HCN1: variants seen among roughly 807,000 people sequenced by gnomAD.
The protein encoded by HCN1 is potassium/sodium hyperpolarization-activated cyclic nucleotide-gated channel 1.
HCN1 carries 13 observed loss-of-function variants against 78.9 expected under a neutral mutation model. The ratio of observed to expected loss-of-function variants is 0.16; its 90% CI spans 0.11 to 0.26. The LOEUF (loss-of-function observed/expected upper bound fraction) is 0.26, where lower values mean the gene tolerates loss of function less well. Among genes scored for constraint, HCN1 ranks in the 10% least tolerant of loss-of-function variants. HCN1 has a pLI of 1.00. For synonymous variants in HCN1, 552 were observed against 455.5 expected, an observed-to-expected ratio of 1.21 and a Z score of -2.70; for missense variants, 810 against 1,154.3, an observed-to-expected ratio of 0.70 and a Z score of 4.32.
chr5:45,302,461 A>C (rs1281754879), intron 6 of HCN1, among the ~76,000 whole-genome samples: 1 of 152,088 alleles, frequency 6.6e-6, no homozygotes, highest in Non-Finnish European at 1.5e-5. Flanking sequence ...AAAATGGACT[A>C]ATACACAAGA....
intron 3 of HCN1, among the ~76,000 whole-genome samples, chr5:45,417,731 G>T (rs1267428253): frequency 7.9e-6 from 1 of 126,696 alleles, no homozygotes; most frequent in Admixed American, 9.3e-5. Flanking sequence ...GCTACCCAGG[G>T]TCTCATTAGT....
In HCN1 at chr5:45,302,122, C is replaced by T. The variant is rs144654347; in HGVS notation, c.1618+1477G>A. 8.5e-5 allele frequency among the ~76,000 whole-genome samples: 13 copies of T among 152,070 alleles called. No homozygotes were observed. The East Asian group carries it at 1.7e-3, about 20-fold the overall frequency. ...TAGGGTATGTCCTTTTGTTTATTAA[C>T]AAGATAATATGGTTTGGCTCTATGT... is the stretch of plus-strand genomic sequence containing the variant. On this transcript the variant is annotated intron_variant, in intron 6 of 7. Transcript: ENST00000303230.
intron 2 of HCN1, among the ~76,000 whole-genome samples, chr5:45,503,826 C>T (rs996793503): frequency 1.3e-4 from 19 of 150,218 alleles, no homozygotes; most frequent in African/African-American, 4.7e-4. Context: ...ATGCTTGTTG[C>T]CCAGGCTGGA....
chr5:45,318,622 G>C (rs1470482130), intron 5 of HCN1, among the ~76,000 whole-genome samples: 7 of 151,228 alleles, frequency 4.6e-5, no homozygotes, highest in Admixed American at 4.0e-4. Flanking sequence ...GAAAAAAAAA[G>C]TATTTGCTTA....
chr5:45,258,800 A>G lies in HCN1; in HGVS notation c.*3121T>C, dbSNP rs1744673172. On this transcript the variant is annotated 3_prime_UTR_variant, in exon 8 of 8. Coordinates refer to ENST00000303230, the MANE Select transcript of HCN1 (RefSeq NM_021072.4). ...TTATAATAGAGCCCAAGGCCCTATTATAACAAAATAGGTATGTTATAAAAC... is the reference window on the plus strand; with the variant it reads ...TTATAATAGAGCCCAAGGCCCTATTGTAACAAAATAGGTATGTTATAAAAC... The G allele has an allele frequency of 1.3e-5, 2 of 152,016 alleles. No homozygotes were observed. Among genetic ancestry groups the G allele is most frequent in the Admixed American group, 1.3e-4 (2 of 15,260 alleles). The allele number at this position is 152,016 out of a possible 1,614,324, so 9.4% of individuals were successfully genotyped here. A position where few individuals can be genotyped will look rare whatever the true frequency, so the allele number is the denominator to read the frequency against.
intron 2 of HCN1, among the ~76,000 whole-genome samples, chr5:45,537,491 G>A (rs906949506): frequency 3.5e-5 from 1 of 28,410 alleles, no homozygotes; most frequent in African/African-American, 1.2e-4. Flanking sequence ...TTTTACTGTT[G>A]TTTGTTTCAC....
At chr5:45,579,045 T>A (rs1744004099) in intron 2 of HCN1, among the ~76,000 whole-genome samples, 1 of 152,044 alleles carries the variant, frequency 6.6e-6, no homozygotes, top group African/African-American at 2.4e-5. Context: ...AAAGTAATGT[T>A]TTTAAACCAA....
At position 45,658,870 on chromosome 5, in the gene HCN1, C is replaced by T. The variant is rs1171688083; in HGVS notation, c.426-13262G>A. 1.4e-3 allele frequency among the ~76,000 whole-genome samples: 208 copies of T among 149,490 alleles called. 3 individuals are homozygous for T. Among genetic ancestry groups the T allele is most frequent in the African/African-American group, 5.0e-3 (205 of 40,814 alleles). On this transcript the variant is annotated intron_variant, in intron 1 of 7. Transcript: ENST00000303230. ...ATCAAACTGCAAGGCGGCAACGAGGCTGGGGGAGGGGCGCCCGCCATTGCC... is the reference window on the plus strand; with the variant it reads ...ATCAAACTGCAAGGCGGCAACGAGGTTGGGGGAGGGGCGCCCGCCATTGCC...
intron 4 of HCN1, among the ~76,000 whole-genome samples, chr5:45,388,979 T>G (rs987593165): frequency 1.1e-4 from 16 of 152,252 alleles, no homozygotes; most frequent in Non-Finnish European, 1.8e-4. Flanking sequence ...AGTTTTGCCT[T>G]CCTTTAATCT....
At chr5:45,401,910 T>TA (rs1332989185) in intron 3 of HCN1, among the ~76,000 whole-genome samples, 1 of 152,030 alleles carries the variant, frequency 6.6e-6, no homozygotes, top group East Asian at 1.9e-4. Flanking sequence ...GGTCCTTGTT[T>TA]AAAAAACAAG....
intron 6 of HCN1, among the ~76,000 whole-genome samples, chr5:45,300,952 C>T (rs1745603602): frequency 6.6e-6 from 1 of 152,106 alleles, no homozygotes; most frequent in East Asian, 1.9e-4. Context: ...AAATGGAAAG[C>T]TTCAAAATGG....
intron 4 of HCN1, among the ~76,000 whole-genome samples, chr5:45,370,783 A>G (rs1406676200): frequency 6.6e-6 from 1 of 152,082 alleles, no homozygotes; most frequent in Non-Finnish European, 1.5e-5. Flanking sequence ...CTTACTCTTC[A>G]CTGACACAAA....
intron 2 of HCN1, among the ~76,000 whole-genome samples, chr5:45,555,422 T>C (rs933284637): frequency 6.6e-6 from 1 of 151,860 alleles, no homozygotes; most frequent in Admixed American, 6.6e-5. Context: ...ATATATTCTA[T>C]GGTCATGGAT....
intron 1 of HCN1, among the ~76,000 whole-genome samples, chr5:45,693,135 A>G (rs541847308): frequency 6.6e-6 from 1 of 152,270 alleles, no homozygotes; most frequent in South Asian, 2.1e-4. Context: ...TTACTCACAC[A>G]TTCCTTTCCC....
At chr5:45,636,675 CT>C (rs1745362122) in intron 2 of HCN1, among the ~76,000 whole-genome samples, 1 of 152,038 alleles carries the variant, frequency 6.6e-6, no homozygotes, top group Non-Finnish European at 1.5e-5. Context: ...TAGCAAGACC[CT>C]GTCTGTACAA....
At position 45,355,284 on chromosome 5, in the gene HCN1, G is replaced by T. The variant is rs1194077376; in HGVS notation, c.1231-2038C>A. Among the ~76,000 whole-genome samples, 4 of 151,874 alleles carry T rather than the reference G, an allele frequency of 2.6e-5. No homozygotes were observed. In the South Asian group the frequency reaches 8.3e-4, roughly 31 times the overall value. ...CATTCATTGACTCATAGTAACTATTGATCTAGCAAACATTAAATGATTATT... is the reference window on the plus strand; with the variant it reads ...CATTCATTGACTCATAGTAACTATTTATCTAGCAAACATTAAATGATTATT... On this transcript the variant is annotated intron_variant, in intron 4 of 7. Transcript: ENST00000303230.
intron 4 of HCN1, among the ~76,000 whole-genome samples, chr5:45,357,514 C>T (rs991215148): frequency 3.3e-5 from 5 of 151,948 alleles, no homozygotes; most frequent in East Asian, 1.9e-4. Context: ...GCCTCCTTTT[C>T]GTTGATCATT....
chr5:45,622,172 C>T (rs966278847), intron 2 of HCN1, among the ~76,000 whole-genome samples: 1 of 151,744 alleles, frequency 6.6e-6, no homozygotes, highest in African/African-American at 2.4e-5. Context: ...CGCCACTGCA[C>T]TCCAGCCTGG....
At chr5:45,322,028 T>C (rs2111937336) in intron 5 of HCN1, among the ~76,000 whole-genome samples, 1 of 152,010 alleles carries the variant, frequency 6.6e-6, no homozygotes. Flanking sequence ...AATGAGATCT[T>C]GAGGCATAAC....
Sources: allele counts gnomAD v4.1 joint callset (sites outside exome capture counted in the v4.1 genomes callset), GRCh38; gene constraint gnomAD v4.1.1; transcripts MANE v1.5; gene names NCBI Gene and HGNC (gene_info 2026-07-23, HGNC 2026-07-21).